The following CAMK4 variants were observed in gnomAD, a reference collection of about 807,000 sequenced individuals.
The protein encoded by CAMK4 is calcium/calmodulin dependent protein kinase IV.
Under a neutral mutation model 44.9 loss-of-function variants are expected in CAMK4, and 22 were observed. That is an observed-to-expected ratio of 0.49 (90% CI 0.35 to 0.70). CAMK4 has a LOEUF of 0.70. Ranked by LOEUF, CAMK4 falls within the 30% of genes least tolerant of loss-of-function variation. The probability of loss-of-function intolerance (pLI) is 0.01; values close to 1 mark genes in which losing one functional copy is unlikely to be tolerated. For missense variants in CAMK4, 498 were observed against 586.8 expected (o/e 0.85, Z 1.56); for synonymous variants, 218 against 215.4 (o/e 1.01, Z -0.11).
At position 111,339,288 on chromosome 5, in the gene CAMK4, C is replaced by CA. The variant is rs545389499; in HGVS notation, c.162-4730dup. Reference sequence around the variant, plus strand: ...TTAGCTGTACCTTTGAGGTCATATCCAAAAAATTATTTCCCAGACCGGTGT... The same window carrying CA: ...TTAGCTGTACCTTTGAGGTCATATCCAAAAAAATTATTTCCCAGACCGGTGT... On this transcript the variant is annotated intron_variant, in intron 1 of 10. Transcript: ENST00000282356. Among the ~76,000 whole-genome samples the CA allele has an allele frequency of 2.6e-5, 4 of 151,156 alleles. No homozygotes were observed. In the East Asian group the frequency reaches 5.9e-4, roughly 22 times the overall value.
intron 1 of CAMK4, among the ~76,000 whole-genome samples, chr5:111,297,825 A>ATC (rs564308251): frequency 1.6e-3 from 242 of 152,304 alleles, no homozygotes; most frequent in African/African-American, 5.8e-3. Context: ...AATACCATGA[A>ATC]TACAGTGTTA....
In CAMK4 at chr5:111,374,887, T is replaced by G; in HGVS notation, c.278T>G (p.Leu93Arg). ...ATCGTAAGAACTGAGATAGGAGTTC[T>G]TCTTCGCCTCTCACATCCAAACATT... ...KKIVRTEIGVLLRLSHPNIIK... is the reference protein window; with the variant it reads ...KKIVRTEIGVRLRLSHPNIIK... The change falls in exon 3 of 11, where the codon CTT (leucine) becomes CGT (arginine). Residue 93 changes from leucine (L) to arginine (R), a missense_variant. Leu to Arg is a moderately radical substitution (Grantham distance 102). This residue lies in a region of CAMK4 where 152 missense variants were observed against 143.7 expected (regional missense o/e 1.06). Transcript: ENST00000282356. 6.2e-7 allele frequency: 1 copy of G among 1,611,966 alleles called. No individual in the cohort carries two copies. Among genetic ancestry groups the G allele is most frequent in the Non-Finnish European group, 8.5e-7 (1 of 1,178,384 alleles).
rs982893143 is a variant in CAMK4 at position 111,435,335 on chromosome 5, T to C, written c.460-11351T>C. On this transcript the variant is annotated intron_variant, in intron 5 of 10. Coordinates refer to ENST00000282356, the MANE Select transcript of CAMK4 (RefSeq NM_001744.6). Reference sequence around the variant, plus strand: ...TTTTACTTGCATCCCAAAACTCTTTTCTTTCTCCAGTACATTCCAAATATC... The same window carrying C: ...TTTTACTTGCATCCCAAAACTCTTTCCTTTCTCCAGTACATTCCAAATATC... Among the ~76,000 whole-genome samples the C allele has an allele frequency of 9.1e-4, 138 of 152,250 alleles. 1 individual carries two copies. Among genetic ancestry groups the C allele is most frequent in the African/African-American group, 3.2e-3 (133 of 41,584 alleles).
At chr5:111,361,480 T>C (rs1369475301) in intron 2 of CAMK4, among the ~76,000 whole-genome samples, 1 of 152,016 alleles carries the variant, frequency 6.6e-6, no homozygotes, top group East Asian at 1.9e-4. Flanking sequence ...AATTTAAAAA[T>C]CTTGGTCATA....
intron 1 of CAMK4, among the ~76,000 whole-genome samples, chr5:111,308,772 G>A (rs1477038859): frequency 1.3e-5 from 2 of 152,124 alleles, no homozygotes; most frequent in Non-Finnish European, 2.9e-5. Flanking sequence ...TTCGTTAAAA[G>A]TGCCTTCTGT....
chr5:111,401,501 C>G (rs1211936133), intron 5 of CAMK4, among the ~76,000 whole-genome samples: 1 of 147,316 alleles, frequency 6.8e-6, no homozygotes, highest in Non-Finnish European at 1.5e-5. Flanking sequence ...GAATCTAACC[C>G]TTTAAAAGTC....
At position 111,340,488 on chromosome 5, in the gene CAMK4, C is replaced by T. The variant is rs1232375652; in HGVS notation, c.162-3536C>T. ...CTATTGAGATGATCATGTGATTTGT[C>T]TTTCATTTTGTTAGTGTGGTATGTC... On this transcript the variant is annotated intron_variant, in intron 1 of 10. Transcript: ENST00000282356. 2.6e-5 allele frequency among the ~76,000 whole-genome samples: 4 copies of T among 151,034 alleles called. No individual in the cohort carries two copies. In the East Asian group the frequency reaches 7.8e-4, roughly 29 times the overall value.
At chr5:111,302,324 T>G (rs1191939396) in intron 1 of CAMK4, 1 of 150,962 alleles carries the variant, frequency 6.6e-6, no homozygotes, top group Non-Finnish European at 1.5e-5. Context: ...TGCATTTCCA[T>G]CTGAGGTACC....
At chr5:111,437,383 A>C (rs534373134) in intron 5 of CAMK4, among the ~76,000 whole-genome samples, 42 of 152,352 alleles carry the variant, frequency 2.8e-4, no homozygotes, top group Admixed American at 1.2e-3. Flanking sequence ...AGGAAAATTG[A>C]GTTATTTATT....
At chr5:111,460,880 G>A (rs1426012114) in intron 7 of CAMK4, among the ~76,000 whole-genome samples, 1 of 151,716 alleles carries the variant, frequency 6.6e-6, no homozygotes, top group African/African-American at 2.4e-5. Context: ...AAAGCACTAG[G>A]TATTCTCAAA....
chr5:111,430,539 C>T (rs1338958326), intron 5 of CAMK4, among the ~76,000 whole-genome samples: 1 of 152,148 alleles, frequency 6.6e-6, no homozygotes, highest in Non-Finnish European at 1.5e-5. Context: ...ATTATATGAT[C>T]TTATATTTGG....
At chr5:111,354,918 A>G (rs1393452569) in intron 2 of CAMK4, among the ~76,000 whole-genome samples, 1 of 152,092 alleles carries the variant, frequency 6.6e-6, no homozygotes, top group Non-Finnish European at 1.5e-5. Flanking sequence ...AAACATGGAA[A>G]ACTGACAATG....
chr5:111,288,740 GAGCAGGGGTGAAT>G (rs1751331644), intron 1 of CAMK4, among the ~76,000 whole-genome samples: 1 of 152,268 alleles, frequency 6.6e-6, no homozygotes, highest in Admixed American at 6.5e-5. Flanking sequence ...TAGTCCCAAG[GAGCAGGGGTGAAT>G]AGTAAGGGGA....
chr5:111,296,849 T>A (rs916221261), intron 1 of CAMK4, among the ~76,000 whole-genome samples: 2 of 152,214 alleles, frequency 1.3e-5, no homozygotes, highest in Non-Finnish European at 2.9e-5. Context: ...CTGTGCATAA[T>A]ACCCAATTGA....
intron 1 of CAMK4, among the ~76,000 whole-genome samples, chr5:111,285,488 A>C (rs778008691): frequency 6.6e-6 from 1 of 152,236 alleles, no homozygotes; most frequent in Non-Finnish European, 1.5e-5. Flanking sequence ...CTATAAACAC[A>C]CTTAAAAGTG....
intron 1 of CAMK4, among the ~76,000 whole-genome samples, chr5:111,270,605 A>G (rs1443839957): frequency 6.6e-6 from 1 of 152,022 alleles, no homozygotes; most frequent in Admixed American, 6.6e-5. Context: ...TTTCTTACCT[A>G]TCAGCTTACC....
chr5:111,397,268 G>T (rs942343846), intron 5 of CAMK4, among the ~76,000 whole-genome samples: 9 of 152,128 alleles, frequency 5.9e-5, no homozygotes, highest in Admixed American at 1.3e-4. Flanking sequence ...TGTAAAATAG[G>T]CATAGCAATT....
intron 5 of CAMK4, among the ~76,000 whole-genome samples, chr5:111,440,192 A>G (rs1194343707): frequency 6.6e-6 from 1 of 152,130 alleles, no homozygotes; most frequent in East Asian, 1.9e-4. Context: ...ATGGAGAGGA[A>G]GAGGTAAAGA....
chr5:111,340,020 CA>C (rs1346462035), intron 1 of CAMK4, among the ~76,000 whole-genome samples: 2 of 150,466 alleles, frequency 1.3e-5, no homozygotes, highest in East Asian at 2.0e-4. Context: ...CTTTTTTGGA[CA>C]GCTTGTTATC....
Sources: gnomAD v4.1 joint callset for allele counts (sites outside exome capture counted in the v4.1 genomes callset) on GRCh38, gnomAD v4.1.1 for gene constraint, gnomAD v4.1.1 regional missense constraint, MANE v1.5 for transcripts, NCBI Gene and HGNC (gene_info 2026-07-23, HGNC 2026-07-21) for gene names.